AMOTL1: variants seen among roughly 807,000 people sequenced by gnomAD.
AMOTL1 encodes angiomotin-like protein 1.
AMOTL1 carries 45 observed loss-of-function variants against 102.9 expected under a neutral mutation model. That is an observed-to-expected ratio of 0.44 (90% CI 0.34 to 0.56). The LOEUF is 0.56. AMOTL1 is among the 20% of genes least tolerant of loss of function. AMOTL1 has a pLI of 0.01. For missense variants in AMOTL1, 1,114 were observed against 1,225.6 expected (o/e 0.91, Z 1.36); for synonymous variants, 481 against 484.7 (o/e 0.99, Z 0.10).
At position 94,723,093 on chromosome 11, in the gene AMOTL1, C is replaced by T. The variant is rs537395288; in HGVS notation, c.-50-5828C>T. Among the ~76,000 whole-genome samples the T allele has an allele frequency of 8.3e-4, 126 of 152,238 alleles. 1 individual carries two copies. Among genetic ancestry groups the T allele is most frequent in the African/African-American group, 2.9e-3 (120 of 41,558 alleles). On this transcript the variant is annotated intron_variant, in intron 1 of 4. Coordinates refer to the AMOTL1 transcript ENST00000299004. Reference sequence around the variant, plus strand: ...TGAGGAGTTTGCAAGTATAGACTCACTTGAGTTTCTCAGCTGTAGGTATGT... The same window carrying T: ...TGAGGAGTTTGCAAGTATAGACTCATTTGAGTTTCTCAGCTGTAGGTATGT...
chr11:94,717,942 T>C (rs575692273), intron 1 of AMOTL1, among the ~76,000 whole-genome samples: 1 of 151,848 alleles, frequency 6.6e-6, no homozygotes, highest in African/African-American at 2.4e-5. Context: ...AAAGAACAAA[T>C]TAAAACAGTG....
intron 4 of AMOTL1, among the ~76,000 whole-genome samples, chr11:94,825,367 G>A (rs562919172): frequency 3.3e-5 from 5 of 152,334 alleles, no homozygotes; most frequent in South Asian, 2.1e-4. Flanking sequence ...AGTGTTGCAC[G>A]TGAAGGTGCT....
At chr11:94,720,741 G>A (rs761461350) in intron 1 of AMOTL1, among the ~76,000 whole-genome samples, 9 of 152,096 alleles carry the variant, frequency 5.9e-5, no homozygotes, top group Non-Finnish European at 1.0e-4. Flanking sequence ...CTGATTAAGC[G>A]AGATTTTCCA....
At chr11:94,833,870 A>G (rs1430144003) in intron 6 of AMOTL1, among the ~76,000 whole-genome samples, 2 of 152,200 alleles carry the variant, frequency 1.3e-5, no homozygotes, top group African/African-American at 4.8e-5. Context: ...AGAAAAAGGG[A>G]TGTGACTGGA....
intron 6 of AMOTL1, among the ~76,000 whole-genome samples, chr11:94,838,888 T>C (rs764648575): frequency 2.7e-5 from 4 of 148,572 alleles, no homozygotes; most frequent in East Asian, 2.1e-4. Context: ...TGGAGAAAGG[T>C]CTGGGCAGGA....
chr11:94,790,352 G>T (rs1176607085), intron 1 of AMOTL1, among the ~76,000 whole-genome samples: 1 of 152,182 alleles, frequency 6.6e-6, no homozygotes, highest in Admixed American at 6.5e-5. Context: ...CTAGGCAGGT[G>T]AAATTTAAGT....
intron 3 of AMOTL1, among the ~76,000 whole-genome samples, chr11:94,810,496 C>CAAAAAAAAAAAAAAAAAAAAAAAA (rs5793699): frequency 7.5e-6 from 1 of 133,532 alleles, no homozygotes; most frequent in African/African-American, 2.8e-5. Context: ...TATTTTAGTC[C>CAAAAAAAAAAAAAAAAAAAAAAAA]AAAAAAAAAA....
At chr11:94,866,443 A>T in intron 11 of AMOTL1, 1 of 447,020 alleles carries the variant, frequency 2.2e-6, no homozygotes, top group Non-Finnish European at 4.1e-6. Context: ...CTTATAACAC[A>T]AAAGGCTCTC....
At chr11:94,709,702 T>C (rs1949990466) in intron 1 of AMOTL1, among the ~76,000 whole-genome samples, 1 of 152,150 alleles carries the variant, frequency 6.6e-6, no homozygotes, top group Admixed American at 6.5e-5. Context: ...TGCAACTATA[T>C]GAGAGACCCT....
At chr11:94,860,023 C>T (rs1035359447) in intron 9 of AMOTL1, among the ~76,000 whole-genome samples, 2 of 152,062 alleles carry the variant, frequency 1.3e-5, no homozygotes, top group African/African-American at 4.8e-5. Flanking sequence ...AATATCAATA[C>T]ATTTAACATA....
chr11:94,792,607 C>T (rs1372957007), intron 1 of AMOTL1, among the ~76,000 whole-genome samples: 1 of 152,214 alleles, frequency 6.6e-6, no homozygotes, highest in Non-Finnish European at 1.5e-5. Flanking sequence ...GCTCTGCTCT[C>T]CAGCCTTTCT....
intron 3 of AMOTL1, among the ~76,000 whole-genome samples, chr11:94,809,442 C>T (rs1185005585): frequency 6.6e-6 from 1 of 152,210 alleles, no homozygotes; most frequent in Non-Finnish European, 1.5e-5. Context: ...GCACTGACAT[C>T]AGTCCAGAAC....
chr11:94,833,013 C>T (rs1952104651), intron 6 of AMOTL1, among the ~76,000 whole-genome samples: 1 of 152,202 alleles, frequency 6.6e-6, no homozygotes, highest in South Asian at 2.1e-4. Flanking sequence ...CAGAAATGTT[C>T]TTCAGAAAGA....
At chr11:94,865,321 A>G (rs1952858245) in intron 10 of AMOTL1, among the ~76,000 whole-genome samples, 1 of 152,188 alleles carries the variant, frequency 6.6e-6, no homozygotes, top group Non-Finnish European at 1.5e-5. Context: ...ACTTTTTGAC[A>G]TAATAAAACT....
intron 1 of AMOTL1, among the ~76,000 whole-genome samples, chr11:94,784,005 C>T (rs1263668981): frequency 6.6e-6 from 1 of 151,966 alleles, no homozygotes; most frequent in Admixed American, 6.6e-5. Flanking sequence ...GCCCTGTGAC[C>T]CAGGGCCTGT....
upstream of AMOTL1, chr11:94,768,304 GCGACCCTCCCCGGC>G: frequency 7.4e-7 from 1 of 1,348,922 alleles, no homozygotes; most frequent in Non-Finnish European, 9.5e-7. Context: ...ACGAGCCCGG[GCGACCCTCCCCGGC>G]CCGCGCGCGG....
chr11:94,761,740 A>G (rs1428420982), intron 3 of AMOTL1, among the ~76,000 whole-genome samples: 1 of 152,182 alleles, frequency 6.6e-6, no homozygotes, highest in East Asian at 1.9e-4. Context: ...CCTGAATGGA[A>G]CCATCTAGAG....
At chr11:94,835,535 A>G (rs1395848147) in intron 6 of AMOTL1, among the ~76,000 whole-genome samples, 1 of 152,266 alleles carries the variant, frequency 6.6e-6, no homozygotes, top group Admixed American at 6.5e-5. Flanking sequence ...AGATGTGAAG[A>G]AAATGAACTG....
chr11:94,713,623 C>T (rs973421487), intron 1 of AMOTL1, among the ~76,000 whole-genome samples: 4 of 151,706 alleles, frequency 2.6e-5, no homozygotes, highest in African/African-American at 9.7e-5. Flanking sequence ...AAGTACTTAA[C>T]TTTCTTTGGA....
Sources: allele counts gnomAD v4.1 joint callset (sites outside exome capture counted in the v4.1 genomes callset), GRCh38; gene constraint gnomAD v4.1.1; transcripts MANE v1.5; gene names NCBI Gene and HGNC (gene_info 2026-07-23, HGNC 2026-07-21).